Variants in LSAMP observed in about 807,000 individuals in gnomAD.
LSAMP encodes the protein limbic system associated membrane protein.
A neutral mutation model predicts 38.6 loss-of-function variants in LSAMP; 7 were observed. The observed-to-expected ratio is 0.18, with a 90% CI of 0.10 to 0.34. The LOEUF (loss-of-function observed/expected upper bound fraction) is 0.34, where lower values mean the gene tolerates loss of function less well. Ranked by LOEUF, LSAMP falls within the 10% of genes least tolerant of loss-of-function variation. The probability of loss-of-function intolerance (pLI) is 1.00; values close to 1 mark genes in which losing one functional copy is unlikely to be tolerated. For missense variants in LSAMP, 313 were observed against 420.0 expected (o/e 0.75, Z 2.23); for synonymous variants, 154 against 166.8 (o/e 0.92, Z 0.59).
intron 1 of LSAMP, among the ~76,000 whole-genome samples, chr3:116,129,434 T>C (rs1709077425): frequency 6.6e-6 from 1 of 152,128 alleles, no homozygotes; most frequent in Non-Finnish European, 1.5e-5. Flanking sequence ...GTAAATAGCA[T>C]CCCCCTCTCC....
At chr3:115,850,451 G>C (rs1935293905) in intron 4 of LSAMP, among the ~76,000 whole-genome samples, 1 of 152,224 alleles carries the variant, frequency 6.6e-6, no homozygotes, top group African/African-American at 2.4e-5. Context: ...GCATGGTTGT[G>C]TGTACATAAA....
chr3:116,210,074 T>C (rs1254011790), intron 1 of LSAMP, among the ~76,000 whole-genome samples: 2 of 152,216 alleles, frequency 1.3e-5, no homozygotes, highest in Admixed American at 6.5e-5. Context: ...ATTTTTTTAA[T>C]TGTTCATTCA....
chr3:116,383,572 C>T (rs1390297385), intron 1 of LSAMP, among the ~76,000 whole-genome samples: 2 of 151,710 alleles, frequency 1.3e-5, no homozygotes, highest in Non-Finnish European at 2.9e-5. Context: ...CCAGTATCCT[C>T]GTCATTACTT....
intron 2 of LSAMP, among the ~76,000 whole-genome samples, chr3:116,058,135 C>A (rs1428119817): frequency 6.6e-6 from 1 of 152,102 alleles, no homozygotes; most frequent in Non-Finnish European, 1.5e-5. Flanking sequence ...GTGAAGGCAG[C>A]TTTATTATGG....
chr3:116,245,887 T>C (rs576674074), intron 1 of LSAMP, among the ~76,000 whole-genome samples: 1 of 152,284 alleles, frequency 6.6e-6, no homozygotes, highest in South Asian at 2.1e-4. Flanking sequence ...TTTCATTATG[T>C]TCTTTCTCCT....
At chr3:116,231,626 G>C (rs1361696434) in intron 1 of LSAMP, among the ~76,000 whole-genome samples, 1 of 152,138 alleles carries the variant, frequency 6.6e-6, no homozygotes, top group Non-Finnish European at 1.5e-5. Flanking sequence ...AAGCTAAGCT[G>C]CATAAATCAC....
intron 1 of LSAMP, among the ~76,000 whole-genome samples, chr3:116,376,157 T>A (rs2048490248): frequency 6.6e-6 from 1 of 152,022 alleles, no homozygotes; most frequent in African/African-American, 2.4e-5. Flanking sequence ...CAGTTAGATA[T>A]TTTGAGTCTT....
intron 3 of LSAMP, among the ~76,000 whole-genome samples, chr3:116,013,152 A>G (rs1403302204): frequency 1.3e-5 from 2 of 152,186 alleles, no homozygotes; most frequent in Non-Finnish European, 2.9e-5. Flanking sequence ...GAATCTGATG[A>G]CACGTGTGTA....
intron 3 of LSAMP, among the ~76,000 whole-genome samples, chr3:115,906,370 A>G (rs1937008569): frequency 1.3e-5 from 2 of 152,128 alleles, no homozygotes; most frequent in African/African-American, 4.8e-5. Context: ...TCCTGGGAAA[A>G]ATAATACTGC....
chr3:116,151,147 G>C (rs1016458824), intron 1 of LSAMP, among the ~76,000 whole-genome samples: 19 of 151,894 alleles, frequency 1.3e-4, no homozygotes, highest in African/African-American at 4.4e-4. Flanking sequence ...TAAACCCCTA[G>C]GATACACAGC....
intron 1 of LSAMP, among the ~76,000 whole-genome samples, chr3:116,207,221 T>C (rs2046082107): frequency 6.6e-6 from 1 of 151,990 alleles, no homozygotes; most frequent in Admixed American, 6.6e-5. Context: ...AGACTAGGAT[T>C]GCAACCCCTG....
At chr3:116,256,582 T>G (rs1351193187) in intron 1 of LSAMP, among the ~76,000 whole-genome samples, 1 of 152,186 alleles carries the variant, frequency 6.6e-6, no homozygotes, top group East Asian at 1.9e-4. Flanking sequence ...ATACAACATA[T>G]CCACAAAGGT....
At chr3:115,989,378 T>G (rs1335821709) in intron 3 of LSAMP, among the ~76,000 whole-genome samples, 3 of 152,134 alleles carry the variant, frequency 2.0e-5, no homozygotes, top group African/African-American at 4.8e-5. Context: ...TAGTACTTTA[T>G]TTTTTACTAA....
intron 2 of LSAMP, among the ~76,000 whole-genome samples, chr3:116,066,005 T>C (rs1408406270): frequency 6.6e-6 from 1 of 152,228 alleles, no homozygotes. Flanking sequence ...TACAGTAGTG[T>C]CTTTATGCAG....
At chr3:116,228,116 A>G (rs927272150) in intron 1 of LSAMP, among the ~76,000 whole-genome samples, 1 of 152,000 alleles carries the variant, frequency 6.6e-6, no homozygotes, top group Non-Finnish European at 1.5e-5. Flanking sequence ...ATTTCTTTAA[A>G]CCTTTAAAAA....
intron 3 of LSAMP, among the ~76,000 whole-genome samples, chr3:115,952,284 G>A (rs577416985): frequency 8.5e-5 from 13 of 152,210 alleles, no homozygotes; most frequent in African/African-American, 2.6e-4. Context: ...TATAGCAGCA[G>A]AATTCACAAT....
chr3:115,975,647 C>G (rs1011902441), intron 3 of LSAMP, among the ~76,000 whole-genome samples: 1 of 152,180 alleles, frequency 6.6e-6, no homozygotes, highest in South Asian at 2.1e-4. Context: ...TCTGTGCTCT[C>G]CAAGTTATCC....
rs147484574 is a variant in LSAMP at position 116,006,945 on chromosome 3, C to T, written c.514+12570G>A. 7.5e-3 allele frequency among the ~76,000 whole-genome samples: 1,144 copies of T among 152,200 alleles called. 12 individuals are homozygous for T. The highest frequency in any genetic ancestry group is 0.026 in the African/African-American group (1,089 of 41,524). On this transcript the variant is annotated intron_variant, in intron 3 of 6. Transcript: ENST00000490035. Reference sequence around the variant, plus strand: ...CATCCCCTGATCTGGATCTGTCTTCCACAGCCCAAACAGCATAAAGACTCG... The same window carrying T: ...CATCCCCTGATCTGGATCTGTCTTCTACAGCCCAAACAGCATAAAGACTCG...
At position 116,148,453 on chromosome 3, in the gene LSAMP, G is replaced by A. The variant is rs1299151557; in HGVS notation, c.156-61897C>T. On this transcript the variant is annotated intron_variant, in intron 1 of 6. Transcript: ENST00000490035. The stretch of plus-strand genomic sequence containing the variant: ...TTCCTGTATTTTGAAGCAAAAACTC[G>A]ACATGTTGCTACAACATAAAGGACA... Among the ~76,000 whole-genome samples, 8 of 151,972 alleles carry A rather than the reference G, an allele frequency of 5.3e-5. No homozygotes were observed. In the South Asian group the frequency reaches 6.2e-4, roughly 12 times the overall value.
Sources: allele counts gnomAD v4.1 joint callset (sites outside exome capture counted in the v4.1 genomes callset), GRCh38; gene constraint gnomAD v4.1.1; transcripts MANE v1.5; gene names NCBI Gene and HGNC (gene_info 2026-07-23, HGNC 2026-07-21).